TNS3: variants seen among roughly 807,000 people sequenced by gnomAD.
The protein encoded by TNS3 is tensin-3.
Under a neutral mutation model 140.9 loss-of-function variants are expected in TNS3, and 45 were observed. That is an observed-to-expected ratio of 0.32 (90% CI 0.25 to 0.41). The LOEUF (loss-of-function observed/expected upper bound fraction) is 0.41, where lower values mean the gene tolerates loss of function less well. TNS3 is among the 10% of genes least tolerant of loss of function. The pLI is 1.00. For missense variants in TNS3, 1,716 were observed against 1,906.7 expected, an observed-to-expected ratio of 0.90 and a Z score of 1.86; for synonymous variants, 815 against 788.4, an observed-to-expected ratio of 1.03 and a Z score of -0.56.
intron 17 of TNS3, 111 bp downstream of exon 17, chr7:47,368,254 C>T: frequency 8.9e-7 from 1 of 1,124,438 alleles, no homozygotes; most frequent in Non-Finnish European, 1.2e-6. Context: ...GGGAAATGTC[C>T]CTCCCTTGTG....
intron 1 of TNS3, among the ~76,000 whole-genome samples, chr7:47,576,105 T>A (rs1800669526): frequency 6.6e-6 from 1 of 151,926 alleles, no homozygotes; most frequent in African/African-American, 2.4e-5. Context: ...GAAAAACTCA[T>A]CTCTATCACG....
At chr7:47,296,449 T>C (rs940207642) in intron 24 of TNS3, among the ~76,000 whole-genome samples, 1 of 152,192 alleles carries the variant, frequency 6.6e-6, no homozygotes, top group Non-Finnish European at 1.5e-5. Context: ...GCAATCCCAT[T>C]ACTGGGTATT....
intron 27 of TNS3, among the ~76,000 whole-genome samples, chr7:47,285,415 C>T (rs1056536603): frequency 3.3e-5 from 5 of 152,066 alleles, no homozygotes; most frequent in Admixed American, 1.3e-4. Flanking sequence ...ATGCTGTTCT[C>T]GTAATAGTGA....
intron 8 of TNS3, among the ~76,000 whole-genome samples, chr7:47,433,560 T>A (rs1253072727): frequency 6.6e-6 from 1 of 152,238 alleles, no homozygotes; most frequent in Non-Finnish European, 1.5e-5. Context: ...CAATTTCATT[T>A]AAAAAATTGA....
chr7:47,345,962 T>G (rs1335512732), intron 18 of TNS3, among the ~76,000 whole-genome samples: 1 of 152,144 alleles, frequency 6.6e-6, no homozygotes, highest in Non-Finnish European at 1.5e-5. Flanking sequence ...CTGGGGTGCA[T>G]TACCCAGGCC....
chr7:47,393,922 C>T (rs1374055179), intron 16 of TNS3, among the ~76,000 whole-genome samples: 4 of 152,004 alleles, frequency 2.6e-5, no homozygotes, highest in African/African-American at 9.7e-5. Flanking sequence ...CATGGCAATG[C>T]CAGACCTTCT....
chr7:47,494,952 A>T (rs1266370104), intron 3 of TNS3, among the ~76,000 whole-genome samples: 2 of 152,132 alleles, frequency 1.3e-5, no homozygotes, highest in African/African-American at 2.4e-5. Flanking sequence ...CGCTGATAAA[A>T]ATGTGGCTGA....
rs369045184 is a variant in TNS3 at position 47,283,041 on chromosome 7, G to A, written c.4097+656C>T. Among the ~76,000 whole-genome samples, 17 of 152,272 alleles carry A rather than the reference G, an allele frequency of 1.1e-4. No individual in the cohort carries two copies. The East Asian group carries it at 1.2e-3, about 10-fold the overall frequency. ...TGCTGCTGCCACGGTTGATGCCAACGTGCCTCCTCAACCACACAATACAAA... is the reference window on the plus strand; with the variant it reads ...TGCTGCTGCCACGGTTGATGCCAACATGCCTCCTCAACCACACAATACAAA... On this transcript the variant is annotated intron_variant, in intron 28 of 30. Coordinates refer to ENST00000311160, the MANE Select transcript of TNS3 (RefSeq NM_022748.12).
intron 25 of TNS3, among the ~76,000 whole-genome samples, chr7:47,293,223 C>T (rs3750165): frequency 0.69 from 104,316 of 152,118 alleles, 35,856 homozygotes; most frequent in Middle Eastern, 0.78. Context: ...ACTCCAACTT[C>T]AACCATATAT....
chr7:47,387,393 A>G (rs1290100041), intron 16 of TNS3, among the ~76,000 whole-genome samples: 1 of 152,228 alleles, frequency 6.6e-6, no homozygotes, highest in Non-Finnish European at 1.5e-5. Flanking sequence ...GGTCAACGCC[A>G]GCACCAAGAA....
At chr7:47,497,802 G>C (rs754536088) in intron 3 of TNS3, among the ~76,000 whole-genome samples, 3 of 152,042 alleles carry the variant, frequency 2.0e-5, no homozygotes, top group Middle Eastern at 3.2e-3. Context: ...CCTGCCCCTC[G>C]AGCTATATGG....
chr7:47,331,748 C>T (rs1434020974), intron 20 of TNS3, among the ~76,000 whole-genome samples: 1 of 152,210 alleles, frequency 6.6e-6, no homozygotes, highest in East Asian at 1.9e-4. Context: ...CAGAAAGTGG[C>T]AAATGCCTCA....
intron 27 of TNS3, among the ~76,000 whole-genome samples, chr7:47,285,877 G>A (rs562918655): frequency 1.3e-5 from 2 of 152,242 alleles, no homozygotes; most frequent in East Asian, 1.9e-4. Context: ...ACCAGCAAGC[G>A]GTAACCAGGA....
At chr7:47,377,905 A>T (rs1353144200) in intron 16 of TNS3, among the ~76,000 whole-genome samples, 1 of 151,920 alleles carries the variant, frequency 6.6e-6, no homozygotes. Flanking sequence ...TCATTGTCAC[A>T]TAAAGCGTCT....
chr7:47,568,249 CAT>C (rs1187620678), intron 1 of TNS3, among the ~76,000 whole-genome samples: 1 of 152,214 alleles, frequency 6.6e-6, no homozygotes, highest in Non-Finnish European at 1.5e-5. Context: ...GCAGCAGGCA[CAT>C]AGTCCTGAGC....
rs1554310555 is a variant in TNS3, at chr7:47,389,154, A to AGGC, written c.1024+7645_1024+7646insGCC. On this transcript the variant is annotated intron_variant, in intron 16 of 30. Transcript: ENST00000311160. ...GAAGAAGAAGAAGAAGAAGAAGAAG[A>AGGC]AGCAGAAGAAGCAGCAGAAGCAGAA... is the stretch of plus-strand genomic sequence containing the variant. Among the ~76,000 whole-genome samples, 5 of 82,294 alleles carry AGGC rather than the reference A, an allele frequency of 6.1e-5. 1 individual carries two copies. The highest frequency in any genetic ancestry group is 2.1e-4 in the African/African-American group (5 of 23,746). The allele number at this position is 82,294 out of a possible 152,430, so 54.0% of individuals were successfully genotyped here. A position where few individuals can be genotyped will look rare whatever the true frequency, so the allele number is the denominator to read the frequency against.
At chr7:47,347,905 G>A (rs1294517136) in intron 17 of TNS3, among the ~76,000 whole-genome samples, 1 of 152,144 alleles carries the variant, frequency 6.6e-6, no homozygotes, top group African/African-American at 2.4e-5. Flanking sequence ...ACAAGGGGGA[G>A]GATTAAATGA....
At chr7:47,561,270 C>T (rs1402853177) in intron 1 of TNS3, among the ~76,000 whole-genome samples, 1 of 152,082 alleles carries the variant, frequency 6.6e-6, no homozygotes, top group African/African-American at 2.4e-5. Context: ...TTCTTAGGGG[C>T]CTGAATCTTA....
At chr7:47,553,849 T>C (rs1800123810) in intron 1 of TNS3, among the ~76,000 whole-genome samples, 1 of 151,820 alleles carries the variant, frequency 6.6e-6, no homozygotes, top group African/African-American at 2.4e-5. Context: ...AGTGCAATGG[T>C]GCAATCTCGG....
Sources: gnomAD v4.1 joint callset for allele counts (sites outside exome capture counted in the v4.1 genomes callset) on GRCh38, gnomAD v4.1.1 for gene constraint, MANE v1.5 for transcripts, NCBI Gene and HGNC (gene_info 2026-07-23, HGNC 2026-07-21) for gene names.